Variants in XRRA1 observed in about 807,000 individuals in gnomAD.
XRRA1 encodes X-ray radiation resistance-associated protein 1.
In XRRA1, 69 loss-of-function variants were observed where a neutral mutation model predicts 80.2. The observed-to-expected ratio is 0.86, with a 90% confidence interval of 0.71 to 1.05. The LOEUF (loss-of-function observed/expected upper bound fraction) is 1.05. XRRA1 is among the 50% of genes least tolerant of loss of function. XRRA1 has a pLI of 0.00. For missense variants in XRRA1, 967 were observed against 976.4 expected, an observed-to-expected ratio of 0.99 and a Z score of 0.13; for synonymous variants, 348 against 389.9, an observed-to-expected ratio of 0.89 and a Z score of 1.27.
intron 10 of XRRA1, among the ~76,000 whole-genome samples, chr11:74,868,805 C>T (rs1483110335): frequency 3.3e-5 from 5 of 151,452 alleles, no homozygotes; most frequent in Admixed American, 3.3e-4. Flanking sequence ...AAGAACTATC[C>T]TAAATATATA....
At chr11:74,902,339 C>T (rs2053705087) in intron 10 of XRRA1, among the ~76,000 whole-genome samples, 1 of 152,150 alleles carries the variant, frequency 6.6e-6, no homozygotes, top group Admixed American at 6.5e-5. Context: ...AGCACAACCA[C>T]TATGAAGAAC....
At chr11:74,915,996 C>T (rs1031460575) in intron 8 of XRRA1, among the ~76,000 whole-genome samples, 12 of 152,014 alleles carry the variant, frequency 7.9e-5, no homozygotes, top group African/African-American at 2.9e-4. Flanking sequence ...TATATCAGCC[C>T]ACTGCCTTCT....
intron 10 of XRRA1, among the ~76,000 whole-genome samples, chr11:74,878,172 G>T (rs1435897925): frequency 6.6e-6 from 1 of 151,590 alleles, no homozygotes; most frequent in Non-Finnish European, 1.5e-5. Context: ...GTATGAGATG[G>T]TATCTCATTG....
intron 10 of XRRA1, among the ~76,000 whole-genome samples, chr11:74,864,877 T>C (rs934724000): frequency 1.3e-5 from 2 of 152,242 alleles, no homozygotes; most frequent in Non-Finnish European, 2.9e-5. Flanking sequence ...CAGCAAATTC[T>C]GAGGGGACCC....
intron 4 of XRRA1, among the ~76,000 whole-genome samples, chr11:74,934,953 A>G (rs879779200): frequency 6.6e-6 from 1 of 152,220 alleles, no homozygotes; most frequent in Non-Finnish European, 1.5e-5. Flanking sequence ...CCTAATAACC[A>G]CTACTCCTCC....
chr11:74,847,543 C>T (rs1473334070), intron 15 of XRRA1, among the ~76,000 whole-genome samples: 2 of 151,676 alleles, frequency 1.3e-5, no homozygotes, highest in African/African-American at 2.4e-5. Context: ...TATATCTTCA[C>T]CTTTTTAATT....
chr11:74,890,055 T>C (rs1244429491), intron 10 of XRRA1, among the ~76,000 whole-genome samples: 2 of 152,210 alleles, frequency 1.3e-5, no homozygotes, highest in Non-Finnish European at 2.9e-5. Flanking sequence ...GCAGACCTAA[T>C]AGACATCTAC....
intron 15 of XRRA1, among the ~76,000 whole-genome samples, chr11:74,847,284 C>T (rs1190513837): frequency 1.3e-5 from 2 of 152,056 alleles, no homozygotes; most frequent in Non-Finnish European, 2.9e-5. Context: ...AGATGTACAT[C>T]CTGGAAAGAT....
Position 74,930,802 on chromosome 11 carries a change from GTGTT to G in XRRA1, c.352-434_352-431del, listed in dbSNP as rs1365262901. Among the ~76,000 whole-genome samples the G allele has an allele frequency of 6.6e-5, 10 of 152,178 alleles. No individual in the cohort carries two copies. In the East Asian group the frequency reaches 1.4e-3, roughly 21 times the overall value. The stretch of plus-strand genomic sequence containing the variant: ...CATTCCCATACTCAATAGTTTTTGT[GTGTT>G]TGTTTGTTTGTTTTTGAGACAGGGT... On this transcript the variant is annotated intron_variant, in intron 5 of 18. Coordinates refer to ENST00000684022, the MANE Select transcript of XRRA1 (RefSeq NM_001378157.1).
intron 10 of XRRA1, among the ~76,000 whole-genome samples, chr11:74,888,223 A>G (rs1022741533): frequency 1.3e-5 from 2 of 152,040 alleles, no homozygotes; most frequent in Non-Finnish European, 2.9e-5. Context: ...CAGAGACAAA[A>G]CTTCCAGAGG....
chr11:74,923,279 T>G (rs1477730543), intron 7 of XRRA1, among the ~76,000 whole-genome samples: 2 of 152,212 alleles, frequency 1.3e-5, no homozygotes, highest in Non-Finnish European at 2.9e-5. Context: ...CTGAAGTCCC[T>G]GGCATAAGAA....
chr11:74,851,444 T>C (rs1301170775), intron 13 of XRRA1, among the ~76,000 whole-genome samples: 1 of 152,052 alleles, frequency 6.6e-6, no homozygotes, highest in Non-Finnish European at 1.5e-5. Flanking sequence ...ATAATAAAGA[T>C]AGTGTGGAGT....
In XRRA1 at chr11:74,841,326, A is replaced by G. The variant is rs891483168; in HGVS notation, c.*1874T>C. 1 of 152,192 alleles carries G rather than the reference A, an allele frequency of 6.6e-6. No individual in the cohort carries two copies. Among genetic ancestry groups the G allele is most frequent in the African/African-American group, 2.4e-5 (1 of 41,448 alleles). 9.4% of individuals were successfully genotyped at this position (152,192 alleles called of 1,614,324 possible). On this transcript the variant is annotated 3_prime_UTR_variant, in exon 19 of 19. Coordinates refer to ENST00000684022, the MANE Select transcript of XRRA1 (RefSeq NM_001378157.1). ...GGTGGTCAGGAGACAGATTCTAGGGAAAGTGCTGAAGAGATTTTCTTCTGA... is the reference window on the plus strand; with the variant it reads ...GGTGGTCAGGAGACAGATTCTAGGGGAAGTGCTGAAGAGATTTTCTTCTGA...
intron 10 of XRRA1, among the ~76,000 whole-genome samples, chr11:74,874,939 C>T (rs11501910): frequency 6.6e-6 from 1 of 152,092 alleles, no homozygotes; most frequent in African/African-American, 2.4e-5. Context: ...GAAAGTGCAC[C>T]CCTCTCCCCA....
chr11:74,863,885 T>A (rs1044723677), intron 10 of XRRA1: 2 of 152,292 alleles, frequency 1.3e-5, no homozygotes, highest in African/African-American at 4.8e-5. Flanking sequence ...GGGCCATGGT[T>A]GCAAGTGTGA....
Position 74,889,846 on chromosome 11 carries a change from G to C in XRRA1, c.1003+16393C>G, listed in dbSNP as rs932114827. 7.2e-5 allele frequency among the ~76,000 whole-genome samples: 11 copies of C among 152,286 alleles called. 1 individual carries two copies. Among genetic ancestry groups the C allele is most frequent in the African/African-American group, 2.6e-4 (11 of 41,548 alleles). ...TAAAGGGATCAATTCAACAAGAAGA[G>C]CTAACTATCCTAAATATATATGCAC... On this transcript the variant is annotated intron_variant, in intron 10 of 18. Coordinates refer to ENST00000684022, the MANE Select transcript of XRRA1 (RefSeq NM_001378157.1).
At chr11:74,855,470 A>G (rs1748889771) in intron 12 of XRRA1, among the ~76,000 whole-genome samples, 1 of 152,236 alleles carries the variant, frequency 6.6e-6, no homozygotes, top group Non-Finnish European at 1.5e-5. Flanking sequence ...GCTGAAAGGT[A>G]TGGGCTTAGG....
chr11:74,911,054 A>T (rs1208642051), intron 8 of XRRA1, among the ~76,000 whole-genome samples: 1 of 152,140 alleles, frequency 6.6e-6, no homozygotes, highest in East Asian at 1.9e-4. Context: ...TATAATTCAG[A>T]AGACTTGCGA....
chr11:74,881,534 A>G (rs2047583030), intron 10 of XRRA1, among the ~76,000 whole-genome samples: 1 of 150,598 alleles, frequency 6.6e-6, no homozygotes, highest in South Asian at 2.1e-4. Flanking sequence ...TTTGCTCGTT[A>G]GTTGATGCAG....
Sources: gnomAD v4.1 joint callset for allele counts (sites outside exome capture counted in the v4.1 genomes callset) on GRCh38, gnomAD v4.1.1 for gene constraint, MANE v1.5 for transcripts, NCBI Gene and HGNC (gene_info 2026-07-23, HGNC 2026-07-21) for gene names.